Variants in REDIC1 observed in about 807,000 individuals in gnomAD.
REDIC1 encodes the protein regulator of DNA class I crossover intermediates 1, also known as HEI10 Interacting Protein 1.
chr12:39,808,662 AT>A, the REDIC1 span, among the ~76,000 whole-genome samples: 2 of 151,906 alleles, frequency 1.3e-5, no homozygotes, highest in Non-Finnish European at 2.9e-5. Context: ...ATTTTTTTGC[AT>A]TTCTTTAATG....
At chr12:39,867,463 CA>C in the REDIC1 span, among the ~76,000 whole-genome samples, 1 of 150,312 alleles carries the variant, frequency 6.7e-6, no homozygotes, top group African/African-American at 2.4e-5. Flanking sequence ...TTGAAAAAAA[CA>C]AAAACAAAAA....
chr12:39,805,254 A>G, the REDIC1 span, among the ~76,000 whole-genome samples: 1 of 152,190 alleles, frequency 6.6e-6, no homozygotes, highest in African/African-American at 2.4e-5. Flanking sequence ...TTGAACAGAA[A>G]GTGGTGTGAT....
chr12:39,799,019 T>C, the REDIC1 span, among the ~76,000 whole-genome samples: 7 of 150,862 alleles, frequency 4.6e-5, no homozygotes, highest in Non-Finnish European at 1.0e-4. Context: ...TTCTCCCCAT[T>C]ATCCCCACTT....
chr12:39,667,244 C>T, the REDIC1 span, among the ~76,000 whole-genome samples: 2 of 152,276 alleles, frequency 1.3e-5, no homozygotes, highest in South Asian at 2.1e-4. Flanking sequence ...TTGAATGTGT[C>T]CCAGAGATTC....
chr12:39,724,506 C>A, the REDIC1 span, among the ~76,000 whole-genome samples: 1 of 152,130 alleles, frequency 6.6e-6, no homozygotes, highest in Non-Finnish European at 1.5e-5. Flanking sequence ...CACTCCCCAC[C>A]TCTATGCGTT....
the REDIC1 span, among the ~76,000 whole-genome samples, chr12:39,897,889 T>C: frequency 6.6e-6 from 1 of 152,040 alleles, no homozygotes; most frequent in African/African-American, 2.4e-5. Flanking sequence ...AAATACAATA[T>C]ATAAGACATT....
the REDIC1 span, among the ~76,000 whole-genome samples, chr12:39,807,990 A>G: frequency 6.6e-6 from 1 of 152,142 alleles, no homozygotes; most frequent in Non-Finnish European, 1.5e-5. Context: ...TTCATGTATA[A>G]TATACAAAAT....
chr12:39,808,999 G>T, the REDIC1 span, among the ~76,000 whole-genome samples: 2 of 152,060 alleles, frequency 1.3e-5, no homozygotes, highest in African/African-American at 2.4e-5. Flanking sequence ...ATGTCGCAAA[G>T]ATTTCCTCCT....
the REDIC1 span, among the ~76,000 whole-genome samples, chr12:39,799,592 A>G: frequency 6.6e-6 from 1 of 152,200 alleles, no homozygotes; most frequent in Non-Finnish European, 1.5e-5. Flanking sequence ...GCAAAAACCA[A>G]ATGCAAACCA....
the REDIC1 span, among the ~76,000 whole-genome samples, chr12:39,844,125 G>A: frequency 4.6e-5 from 7 of 152,028 alleles, no homozygotes; most frequent in Non-Finnish European, 7.4e-5. Context: ...AAACATTGAT[G>A]TGTCCCTAAA....
chr12:39,703,539 C>T, the REDIC1 span, among the ~76,000 whole-genome samples: 1 of 151,538 alleles, frequency 6.6e-6, no homozygotes, highest in Non-Finnish European at 1.5e-5. Flanking sequence ...AATGCCATCC[C>T]CATCAAGCTA....
the REDIC1 span, among the ~76,000 whole-genome samples, chr12:39,681,304 T>A: frequency 6.6e-6 from 1 of 151,982 alleles, no homozygotes; most frequent in South Asian, 2.1e-4. Flanking sequence ...ATATAATGGA[T>A]TCTGGGGACT....
chr12:39,866,878 C>G, the REDIC1 span, among the ~76,000 whole-genome samples: 6 of 152,234 alleles, frequency 3.9e-5, no homozygotes, highest in East Asian at 9.6e-4. Flanking sequence ...AATAACAGAA[C>G]AAAGTTGAAG....
At chr12:39,764,692 G>A in the REDIC1 span, 1 of 1,594,272 alleles carries the variant, frequency 6.3e-7, no homozygotes, top group African/African-American at 1.4e-5. Flanking sequence ...ACTCCAAAAA[G>A]AGGCAATTCA....
the REDIC1 span, among the ~76,000 whole-genome samples, chr12:39,773,906 C>T: frequency 1.3e-5 from 2 of 152,194 alleles, no homozygotes; most frequent in African/African-American, 4.8e-5. Context: ...TACCATCGTT[C>T]TACTGGGCTT....
the REDIC1 span, among the ~76,000 whole-genome samples, chr12:39,711,981 C>G: frequency 1.6e-5 from 2 of 128,766 alleles, no homozygotes; most frequent in African/African-American, 5.7e-5. Flanking sequence ...ATATACATGT[C>G]ATGTCTATAT....
chr12:39,794,092 G>T, the REDIC1 span, among the ~76,000 whole-genome samples: 128,378 of 141,344 alleles, frequency 0.91, 58,988 homozygotes, highest in East Asian at 0.99. Flanking sequence ...ATTCCTAGAA[G>T]GTGATGTATG....
At chr12:39,694,805 C>T in the REDIC1 span, among the ~76,000 whole-genome samples, 1 of 152,104 alleles carries the variant, frequency 6.6e-6, no homozygotes, top group African/African-American at 2.4e-5. Flanking sequence ...CTCCCGTAAC[C>T]CAGACCACTC....
chr12:39,784,591 C>G, the REDIC1 span, among the ~76,000 whole-genome samples: 1 of 152,196 alleles, frequency 6.6e-6, no homozygotes, highest in African/African-American at 2.4e-5. Context: ...GGATTAAATA[C>G]TTAAATGTTA....
Sources: allele counts gnomAD v4.1 joint callset (sites outside exome capture counted in the v4.1 genomes callset), GRCh38; gene constraint gnomAD v4.1.1; transcripts MANE v1.5; gene names NCBI Gene and HGNC (gene_info 2026-07-23, HGNC 2026-07-21).